The following TTC34 variants were observed in gnomAD, a reference collection of about 807,000 sequenced individuals.
TTC34 encodes the protein tetratricopeptide repeat protein 34.
Under a neutral mutation model 40.7 loss-of-function variants are expected in TTC34, and 44 were observed. The ratio of observed to expected loss-of-function variants is 1.08; its 90% CI spans 0.85 to 1.39. The LOEUF (loss-of-function observed/expected upper bound fraction) is 1.39, where lower values mean the gene tolerates loss of function less well. TTC34 is among the 40% of genes most tolerant of loss of function. The probability of loss-of-function intolerance (pLI) is 0.00; values close to 1 mark genes in which losing one functional copy is unlikely to be tolerated. For missense variants in TTC34, 884 were observed against 838.0 expected (o/e 1.05, Z -0.68); for synonymous variants, 422 against 398.6 (o/e 1.06, Z -0.70).
intron 6 of TTC34, among the ~76,000 whole-genome samples, chr1:2,692,465 C>A (rs533365850): frequency 9.0e-6 from 1 of 110,824 alleles, no homozygotes; most frequent in Non-Finnish European, 2.0e-5. Context: ...CACCCACACC[C>A]CCAGGTGAGC....
At chr1:2,684,181 GAGC>G (rs1640211971) in intron 6 of TTC34, among the ~76,000 whole-genome samples, 1 of 151,822 alleles carries the variant, frequency 6.6e-6, no homozygotes, top group Non-Finnish European at 1.5e-5. Context: ...TGACAGCCTG[GAGC>G]AACACTCACA....
intron 6 of TTC34, chr1:2,775,902 A>G (rs1196852124): frequency 7.5e-6 from 1 of 133,582 alleles, no homozygotes; most frequent in Non-Finnish European, 1.5e-5. Flanking sequence ...CTGGGGATGG[A>G]AGGTGCCATT....
intron 5 of TTC34, among the ~76,000 whole-genome samples, chr1:2,785,374 G>A (rs1020596901): frequency 6.6e-6 from 1 of 152,116 alleles, no homozygotes; most frequent in African/African-American, 2.4e-5. Context: ...CCCAGAAACA[G>A]CACTGACTCC....
chr1:2,692,384 C>A (rs541469915), intron 6 of TTC34, among the ~76,000 whole-genome samples: 1 of 85,834 alleles, frequency 1.2e-5, no homozygotes, highest in South Asian at 3.4e-4. Context: ...GCGTCCACAC[C>A]CCCAGGTGAG....
chr1:2,685,147 C>T (rs113661099), intron 6 of TTC34, among the ~76,000 whole-genome samples: 2 of 139,980 alleles, frequency 1.4e-5, no homozygotes, highest in South Asian at 2.2e-4. Flanking sequence ...CGGCCTGGAA[C>T]AGCACCCACA....
At chr1:2,688,082 C>G in intron 6 of TTC34, among the ~76,000 whole-genome samples, 1 of 147,462 alleles carries the variant, frequency 6.8e-6, no homozygotes, top group Admixed American at 6.7e-5. Context: ...GAACAGCACC[C>G]TGCACCCCCA....
At chr1:2,751,379 A>C (rs1641313614) in intron 6 of TTC34, among the ~76,000 whole-genome samples, 7 of 144,604 alleles carry the variant, frequency 4.8e-5, no homozygotes, top group Admixed American at 4.2e-4. Flanking sequence ...CCAGGTGCGC[A>C]TCTGATGGTC....
At chr1:2,683,959 G>T (rs1640201983) in intron 6 of TTC34, among the ~76,000 whole-genome samples, 1 of 136,016 alleles carries the variant, frequency 7.4e-6, no homozygotes. Flanking sequence ...CACACCCACA[G>T]TTGAGCATCT....
chr1:2,662,489 G>A (rs1570774787), intron 6 of TTC34, among the ~76,000 whole-genome samples: 1 of 94,176 alleles, frequency 1.1e-5, no homozygotes, highest in African/African-American at 3.3e-5. Flanking sequence ...ACCCAGGTGA[G>A]CATCTGACAG....
chr1:2,750,603 C>T (rs1641285786), intron 6 of TTC34, among the ~76,000 whole-genome samples: 2 of 148,680 alleles, frequency 1.3e-5, no homozygotes, highest in African/African-American at 2.5e-5. Context: ...CAGCACCCCA[C>T]ACCCACAGGT....
At chr1:2,773,069 C>CAT (rs1642539132) in intron 6 of TTC34, among the ~76,000 whole-genome samples, 1 of 151,212 alleles carries the variant, frequency 6.6e-6, no homozygotes, top group African/African-American at 2.4e-5. Flanking sequence ...CCCAGGTGAG[C>CAT]CTCTGACAGC....
intron 2 of TTC34, among the ~76,000 whole-genome samples, chr1:2,799,011 CAGCCTCCA>C (rs1238595376): frequency 8.8e-4 from 131 of 148,478 alleles, no homozygotes; most frequent in African/African-American, 3.0e-3. Flanking sequence ...CCCAGCCTCT[CAGCCTCCA>C]AGCCTCCCAG....
intron 6 of TTC34, among the ~76,000 whole-genome samples, chr1:2,750,249 G>A (rs1641270982): frequency 1.3e-5 from 2 of 149,866 alleles, no homozygotes; most frequent in African/African-American, 2.5e-5. Flanking sequence ...CACACCCACA[G>A]GTGGGCATCT....
intron 6 of TTC34, chr1:2,775,600 G>A (rs868042624): frequency 6.7e-6 from 1 of 148,472 alleles, no homozygotes; most frequent in Non-Finnish European, 1.5e-5. Flanking sequence ...CCACTCACAG[G>A]TGATGTGACT....
At chr1:2,688,381 C>G (rs1466953727) in intron 6 of TTC34, among the ~76,000 whole-genome samples, 91 of 150,834 alleles carry the variant, frequency 6.0e-4, no homozygotes, top group Admixed American at 9.9e-4. Context: ...CCCAGGTGAG[C>G]ATCTGACAGC....
chr1:2,674,642 A>C (rs1266861670), intron 6 of TTC34, among the ~76,000 whole-genome samples: 160 of 2,604 alleles, frequency 0.061, no homozygotes, highest in South Asian at 0.09. Flanking sequence ...CCCCACACCC[A>C]CAGGTGAGCA....
chr1:2,654,009 C>A (rs79319067), intron 6 of TTC34, among the ~76,000 whole-genome samples: 1,765 of 25,600 alleles, frequency 0.069, no homozygotes, highest in Middle Eastern at 0.2. Context: ...AGTGCCCACA[C>A]CCCCAGGCGA....
intron 6 of TTC34, among the ~76,000 whole-genome samples, chr1:2,769,506 C>T (rs1488420702): frequency 1.1e-5 from 1 of 93,182 alleles, no homozygotes; most frequent in Non-Finnish European, 2.0e-5. Flanking sequence ...CAGCACCCCA[C>T]ACCCCCAGTG....
chr1:2,774,977 C>T (rs534156591), intron 6 of TTC34: 1 of 93,832 alleles, frequency 1.1e-5, no homozygotes, highest in South Asian at 3.7e-4. Flanking sequence ...CATAAAACAG[C>T]ACCCTGCACC....
Sources: allele counts gnomAD v4.1 joint callset (sites outside exome capture counted in the v4.1 genomes callset), GRCh38; gene constraint gnomAD v4.1.1; transcripts MANE v1.5; gene names NCBI Gene and HGNC (gene_info 2026-07-23, HGNC 2026-07-21).